Variants in TCF7L1 observed in about 807,000 individuals in gnomAD.
The protein encoded by TCF7L1 is transcription factor 7 like 1, also known as transcription factor 7-like 1.
A neutral mutation model predicts 63.7 loss-of-function variants in TCF7L1; 18 were observed. The observed-to-expected ratio is 0.28, with a 90% CI of 0.20 to 0.42. The LOEUF (loss-of-function observed/expected upper bound fraction) is 0.42. Among genes scored for constraint, TCF7L1 ranks in the 10% least tolerant of loss-of-function variants. The pLI, the probability that TCF7L1 is intolerant of heterozygous loss-of-function variation, is 1.00. For missense variants in TCF7L1, 654 were observed against 779.3 expected (o/e 0.84, Z 1.91); for synonymous variants, 355 against 340.9 (o/e 1.04, Z -0.46).
chr2:85,141,465 C>G (rs942456581), intron 3 of TCF7L1, among the ~76,000 whole-genome samples: 3 of 152,172 alleles, frequency 2.0e-5, no homozygotes, highest in African/African-American at 7.2e-5. Flanking sequence ...GACCAGACTC[C>G]TGCAGTTTCA....
In TCF7L1 at chr2:85,306,897, C is replaced by G. The variant is rs1022704646; in HGVS notation, c.1257+338C>G. On this transcript the variant is annotated intron_variant, in intron 10 of 11. Coordinates refer to ENST00000282111, the MANE Select transcript of TCF7L1 (RefSeq NM_031283.3). The surrounding 1 kb of genome is among the most constrained non-coding windows in gnomAD (Gnocchi z 4.3). Reference sequence around the variant, plus strand: ...ACCAGGATGGTCTCGAGCTCCTGACCTCGTGATCCGCCCACCTCGGCCTCC... The same window carrying G: ...ACCAGGATGGTCTCGAGCTCCTGACGTCGTGATCCGCCCACCTCGGCCTCC... 6.6e-6 allele frequency among the ~76,000 whole-genome samples: 1 copy of G among 152,176 alleles called. No individual in the cohort carries two copies. Among genetic ancestry groups the G allele is most frequent in the Non-Finnish European group, 1.5e-5 (1 of 68,024 alleles).
chr2:85,156,064 C>T (rs998199267), intron 3 of TCF7L1, among the ~76,000 whole-genome samples: 1 of 152,190 alleles, frequency 6.6e-6, no homozygotes, highest in Non-Finnish European at 1.5e-5. Context: ...TTTAAAGACT[C>T]AGGGTAAACA....
At chr2:85,207,979 C>G (rs556392657) in intron 3 of TCF7L1, among the ~76,000 whole-genome samples, 1 of 151,916 alleles carries the variant, frequency 6.6e-6, no homozygotes, top group Non-Finnish European at 1.5e-5. Flanking sequence ...CCATCTCGGC[C>G]CACTGCAAGC....
chr2:85,248,009 C>T (rs1431289529), intron 3 of TCF7L1, among the ~76,000 whole-genome samples: 10 of 152,114 alleles, frequency 6.6e-5, no homozygotes, highest in Admixed American at 6.6e-4. Flanking sequence ...CGGTAGTGTT[C>T]GGTTCTGTTA....
chr2:85,202,518 G>A (rs1679294057), intron 3 of TCF7L1, among the ~76,000 whole-genome samples: 1 of 152,172 alleles, frequency 6.6e-6, no homozygotes, highest in Admixed American at 6.5e-5. Context: ...AGCAACCACT[G>A]CCTAGTCCTA....
chr2:85,240,752 G>A (rs146933767), intron 3 of TCF7L1, among the ~76,000 whole-genome samples: 5,790 of 150,270 alleles, frequency 0.039, 161 homozygotes, highest in Non-Finnish European at 0.057. Flanking sequence ...CTCCAGCCTG[G>A]GCAACAGAGC....
chr2:85,183,646 A>T (rs922935302), intron 3 of TCF7L1, among the ~76,000 whole-genome samples: 1 of 152,196 alleles, frequency 6.6e-6, no homozygotes, highest in African/African-American at 2.4e-5. Context: ...TCATCGGGCG[A>T]GTCAGCAAGT....
chr2:85,263,907 G>C (rs544652954), intron 3 of TCF7L1, among the ~76,000 whole-genome samples: 2 of 152,352 alleles, frequency 1.3e-5, no homozygotes, highest in South Asian at 4.1e-4. Flanking sequence ...AAGCTGAGGG[G>C]CCTCTTAGGA....
rs112852796 is a variant in TCF7L1 at position 85,308,178 on chromosome 2, A to T, written c.1333+461A>T. Among the ~76,000 whole-genome samples, 1,017 of 152,196 alleles carry T rather than the reference A, an allele frequency of 6.7e-3. 11 individuals are homozygous for T. The highest frequency in any genetic ancestry group is 0.023 in the African/African-American group (958 of 41,486). On this transcript the variant is annotated intron_variant, in intron 11 of 11. Transcript: ENST00000282111. The stretch of plus-strand genomic sequence containing the variant: ...GGTTTAGGAGGCACTTTGTGTCAAA[A>T]CCATGTATAAAATCTCTATATTACC...
intron 3 of TCF7L1, among the ~76,000 whole-genome samples, chr2:85,179,855 T>C (rs1475128601): frequency 6.6e-6 from 1 of 152,204 alleles, no homozygotes; most frequent in Non-Finnish European, 1.5e-5. Context: ...AATATATCCT[T>C]TCTCTTGAGT....
At chr2:85,305,535 C>T in intron 8 of TCF7L1, 132 bp downstream of exon 8, 1 of 1,129,512 alleles carries the variant, frequency 8.9e-7, no homozygotes, top group Non-Finnish European at 1.2e-6. Context: ...CCTCCCCAGC[C>T]AGGCCCTCCC....
At chr2:85,237,049 G>A (rs895039933) in intron 3 of TCF7L1, among the ~76,000 whole-genome samples, 4 of 152,168 alleles carry the variant, frequency 2.6e-5, no homozygotes, top group African/African-American at 7.2e-5. Flanking sequence ...AGGCTCAGGA[G>A]AGGTGCTTTT....
At chr2:85,253,196 T>G (rs146567478) in intron 3 of TCF7L1, among the ~76,000 whole-genome samples, 1 of 152,228 alleles carries the variant, frequency 6.6e-6, no homozygotes, top group Non-Finnish European at 1.5e-5. Flanking sequence ...ACCACATAGG[T>G]TTGGGATTTT....
chr2:85,178,219 C>A (rs1678723096), intron 3 of TCF7L1, among the ~76,000 whole-genome samples: 1 of 152,218 alleles, frequency 6.6e-6, no homozygotes, highest in Middle Eastern at 3.2e-3. Context: ...AAGAAAAAAA[C>A]ACAGTGCCTT....
rs536318843 is a variant in TCF7L1 at position 85,154,417 on chromosome 2, T to C, written c.441+19967T>C. Among the ~76,000 whole-genome samples the C allele has an allele frequency of 2.0e-5, 3 of 152,348 alleles. No individual in the cohort carries two copies. The South Asian group carries it at 6.2e-4, about 32-fold the overall frequency. On this transcript the variant is annotated intron_variant, in intron 3 of 11. Transcript: ENST00000282111. The stretch of plus-strand genomic sequence containing the variant: ...TAGGTAGAACGTGCTGGGCTTCATT[T>C]CTGCAGGACTTCTCAGGCCTTTAAC...
rs1682247288 is a variant in TCF7L1, at chr2:85,310,241, A to G, written c.*779A>G. ...GGGTCCGTGCCAGCACAATCTGCCA[A>G]AGTTCTAGAGACCCTGTTCCCTTCC... On this transcript the variant is annotated 3_prime_UTR_variant, in exon 12 of 12. Coordinates refer to ENST00000282111, the MANE Select transcript of TCF7L1 (RefSeq NM_031283.3). 6.6e-6 allele frequency: 1 copy of G among 152,546 alleles called. No individual in the cohort carries two copies. The highest frequency in any genetic ancestry group is 2.1e-4 in the South Asian group (1 of 4,830). The allele number at this position is 152,546 out of a possible 1,614,324, so 9.4% of individuals were successfully genotyped here. A position where few individuals can be genotyped will look rare whatever the true frequency, so the allele number is the denominator to read the frequency against.
At position 85,303,951 on chromosome 2, in the gene TCF7L1, G is replaced by A. The variant is rs757135013; in HGVS notation, c.715G>A (p.Gly239Arg). ...ELSPYYPLSP[G>R]AVGQIPHPLG... ...GTCACCGTATTACCCACTCTCTCCC[G>A]GAGCTGTCGGACAAATCCCCCACCC... is the stretch of plus-strand genomic sequence containing the variant. The change falls in exon 6 of 12, where the codon GGA becomes AGA. Residue 239 changes from glycine to arginine, a missense_variant. Physicochemically the swap from Gly to Arg is moderately radical, Grantham distance 125 (BLOSUM62 -2). Coordinates refer to ENST00000282111, the MANE Select transcript of TCF7L1 (RefSeq NM_031283.3). 4 of 1,612,876 alleles carry A rather than the reference G, an allele frequency of 2.5e-6. No individual in the cohort carries two copies. The highest frequency in any genetic ancestry group is 3.4e-6 in the Non-Finnish European group (4 of 1,179,548).
chr2:85,237,323 A>G (rs1216974547), intron 3 of TCF7L1, among the ~76,000 whole-genome samples: 1 of 152,026 alleles, frequency 6.6e-6, no homozygotes, highest in East Asian at 1.9e-4. Flanking sequence ...CAGTTATAAC[A>G]AGGATCCTTC....
intron 3 of TCF7L1, among the ~76,000 whole-genome samples, chr2:85,277,449 G>A (rs1681301629): frequency 6.6e-6 from 1 of 151,992 alleles, no homozygotes; most frequent in Non-Finnish European, 1.5e-5. Flanking sequence ...GGTGGCACTG[G>A]GACTTTACAT....
Sources: gnomAD v4.1 joint callset for allele counts (sites outside exome capture counted in the v4.1 genomes callset) on GRCh38, gnomAD v4.1.1 for gene constraint, Gnocchi (gnomAD v3.1) non-coding constraint, MANE v1.5 for transcripts, NCBI Gene and HGNC (gene_info 2026-07-23, HGNC 2026-07-21) for gene names.